SP100: variants seen among roughly 807,000 people sequenced by gnomAD.
SP100 encodes the protein nuclear autoantigen Sp-100.
In SP100, 84 loss-of-function variants were observed where a neutral mutation model predicts 130.0. That is an observed-to-expected ratio of 0.65 (90% CI 0.54 to 0.77). SP100 has a LOEUF of 0.77. SP100 is among the 30% of genes least tolerant of loss of function. The pLI, the probability that SP100 is intolerant of heterozygous loss-of-function variation, is 0.00. For synonymous variants in SP100, 331 were observed against 351.7 expected (o/e 0.94, Z 0.66); for missense variants, 978 against 1,052.2 (o/e 0.93, Z 0.97).
intron 2 of SP100, among the ~76,000 whole-genome samples, chr2:230,438,279 CTTTAT>C (rs1349008970): frequency 1.3e-5 from 2 of 151,322 alleles, no homozygotes; most frequent in Non-Finnish European, 2.9e-5. Context: ...TCCATTTTGT[CTTTAT>C]TTCATTTCAG....
At chr2:230,493,772 TTTTA>T (rs1166452316) in intron 17 of SP100, 2 of 152,230 alleles carry the variant, frequency 1.3e-5, no homozygotes, top group African/African-American at 4.8e-5. Flanking sequence ...TCTTTCTTTT[TTTTA>T]TTTCTCTTTT....
At position 230,515,665 on chromosome 2, in the gene SP100, T is replaced by G. The variant is rs750342448; in HGVS notation, c.2094+4499T>G. ...AGTTGCTTCTAGTGCAGTTTTTTTC[T>G]TGTCTATAAAGCATTTAAGCTGCCT... On this transcript the variant is annotated intron_variant, in intron 24 of 28. Transcript: ENST00000340126. 14 of 1,584,592 alleles carry G rather than the reference T, an allele frequency of 8.8e-6. No individual in the cohort carries two copies. The Admixed American group carries it at 1.3e-4, about 15-fold the overall frequency.
intron 13 of SP100, among the ~76,000 whole-genome samples, chr2:230,468,542 C>T (rs12617536): frequency 0.5 from 75,873 of 150,320 alleles, 19,470 homozygotes; most frequent in African/African-American, 0.6. Context: ...TGGTGGCTCA[C>T]GCCTATAATC....
At chr2:230,428,940 AGTTT>A (rs999472275) in intron 2 of SP100, among the ~76,000 whole-genome samples, 2 of 152,214 alleles carry the variant, frequency 1.3e-5, no homozygotes, top group African/African-American at 4.8e-5. Flanking sequence ...TATTTTTAAT[AGTTT>A]GTTTTTTAAC....
At chr2:230,512,929 C>T (rs990649113) in intron 24 of SP100, among the ~76,000 whole-genome samples, 8 of 152,120 alleles carry the variant, frequency 5.3e-5, no homozygotes, top group Non-Finnish European at 1.2e-4. Flanking sequence ...CTGGATCCCT[C>T]GCATGTGGAA....
intron 21 of SP100, among the ~76,000 whole-genome samples, chr2:230,505,923 T>C (rs1194375268): frequency 1.3e-5 from 2 of 152,194 alleles, no homozygotes; most frequent in Non-Finnish European, 2.9e-5. Flanking sequence ...TATGCCTTCA[T>C]CCACCTCTCT....
chr2:230,537,419 C>T (rs1691989697), intron 24 of SP100, among the ~76,000 whole-genome samples: 1 of 152,196 alleles, frequency 6.6e-6, no homozygotes, highest in Non-Finnish European at 1.5e-5. Context: ...TGAGACCCTT[C>T]AGTAGTCAAA....
intron 24 of SP100, chr2:230,538,995 T>A: frequency 3.6e-6 from 1 of 281,480 alleles, no homozygotes; most frequent in Non-Finnish European, 7.0e-6. Flanking sequence ...TTTAATAAAT[T>A]GCTCAAAAAA....
intron 7 of SP100, 105 bp downstream of exon 7, chr2:230,449,815 C>A: frequency 1.6e-6 from 2 of 1,217,026 alleles, no homozygotes; most frequent in Non-Finnish European, 2.4e-6. Flanking sequence ...GTTTAACAAG[C>A]AGGGGAAAAT....
intron 24 of SP100, among the ~76,000 whole-genome samples, chr2:230,534,061 A>T (rs1250028882): frequency 6.6e-6 from 1 of 152,210 alleles, no homozygotes; most frequent in Non-Finnish European, 1.5e-5. Context: ...AGGTGGCCTC[A>T]TGCTGTCTTT....
rs73998819 is a variant in SP100, at chr2:230,471,932, G to A, written c.1430-1392G>A. ...ACTTCTCAGAAATTGTACCAGAAAC[G>A]TGAAAATAAAGTTGCTGATTGATTG... is the stretch of plus-strand genomic sequence containing the variant. On this transcript the variant is annotated intron_variant, in intron 15 of 28. Coordinates refer to ENST00000340126, the MANE Select transcript of SP100 (RefSeq NM_001080391.2). Among the ~76,000 whole-genome samples the A allele has an allele frequency of 2.7e-3, 409 of 152,238 alleles. 2 individuals carry two copies. Among genetic ancestry groups the A allele is most frequent in the Middle Eastern group, 3.4e-3 (1 of 292 alleles).
intron 24 of SP100, among the ~76,000 whole-genome samples, chr2:230,513,354 A>G (rs1460334515): frequency 1.3e-5 from 2 of 152,338 alleles, no homozygotes; most frequent in East Asian, 3.9e-4. Flanking sequence ...TGGGTTATGC[A>G]TTAATCACTG....
chr2:230,503,911 T>C (rs2067180859), intron 20 of SP100, among the ~76,000 whole-genome samples: 1 of 152,096 alleles, frequency 6.6e-6, no homozygotes, highest in Non-Finnish European at 1.5e-5. Flanking sequence ...AGGAAAATCA[T>C]TGTGTGATAG....
chr2:230,511,051 G>T, intron 23 of SP100, 74 bp from the exon 24 acceptor site: 1 of 984,066 alleles, frequency 1.0e-6, no homozygotes, highest in Non-Finnish European at 1.6e-6. Flanking sequence ...TAAAAATAAA[G>T]AAGTCTGTTC....
At position 230,474,440 on chromosome 2, in the gene SP100, G is replaced by A; in HGVS notation, c.1593G>A (p.Gly531=). Residue 531 remains glycine, a synonymous_variant, in exon 17 of 29, where the codon GGG becomes GGA. Transcript: ENST00000340126. ...ENNSTLEKHS[G]KRRKKRRHRS... ...ATTCTACTTTGGAAAAACACAGTGG[G>A]AAAAGAAGTAAGAACAAATAAGAAT... 1.4e-6 allele frequency: 2 copies of A among 1,456,906 alleles called. No individual in the cohort carries two copies. The highest frequency in any genetic ancestry group is 1.9e-6 in the Non-Finnish European group (2 of 1,045,894). 90.2% of individuals were successfully genotyped at this position (1,456,906 alleles called of 1,614,324 possible).
At chr2:230,418,252 T>G (rs945041692) in intron 2 of SP100, among the ~76,000 whole-genome samples, 1 of 152,240 alleles carries the variant, frequency 6.6e-6, no homozygotes, top group Non-Finnish European at 1.5e-5. Flanking sequence ...TGACAATTAT[T>G]TACCTTCTAG....
rs192525532 is a variant in SP100, at chr2:230,517,578, A to G, written c.2094+6412A>G. ...GAAATTTGAGACCAGCCTGGTCAAC[A>G]TGGTGAAACTCTGTCTCTACTAAAA... On this transcript the variant is annotated intron_variant, in intron 24 of 28. Coordinates refer to ENST00000340126, the MANE Select transcript of SP100 (RefSeq NM_001080391.2). Among the ~76,000 whole-genome samples, 4 of 152,284 alleles carry G rather than the reference A, an allele frequency of 2.6e-5. No homozygotes were observed. The East Asian group carries it at 5.8e-4, about 22-fold the overall frequency.
At chr2:230,434,089 A>G (rs2063177111) in intron 2 of SP100, among the ~76,000 whole-genome samples, 1 of 151,788 alleles carries the variant, frequency 6.6e-6, no homozygotes, top group African/African-American at 2.4e-5. Flanking sequence ...TAGTGGTTCC[A>G]TGCCTTCCCT....
chr2:230,515,034 A>C, intron 24 of SP100: 7 of 1,597,896 alleles, frequency 4.4e-6, no homozygotes, highest in Non-Finnish European at 6.0e-6. Flanking sequence ...TGGACAAAGC[A>C]GATCCTAAGA....
Sources: gnomAD v4.1 joint callset for allele counts (sites outside exome capture counted in the v4.1 genomes callset) on GRCh38, gnomAD v4.1.1 for gene constraint, MANE v1.5 for transcripts, NCBI Gene and HGNC (gene_info 2026-07-23, HGNC 2026-07-21) for gene names.